Variants in NAV2 observed in about 807,000 individuals in gnomAD.
NAV2 encodes neuron navigator 2.
In NAV2, 54 loss-of-function variants were observed where a neutral mutation model predicts 223.2. That is an observed-to-expected ratio of 0.24 (90% CI 0.19 to 0.30). The LOEUF (loss-of-function observed/expected upper bound fraction) is 0.30. Among genes scored for constraint, NAV2 ranks in the 10% least tolerant of loss-of-function variants. The pLI is 1.00. For missense variants in NAV2, 2,806 were observed against 3,147.5 expected (o/e 0.89, Z 2.60); for synonymous variants, 1,279 against 1,239.3 (o/e 1.03, Z -0.67).
At chr11:19,410,556 CTG>C (rs1187346340) in intron 1 of NAV2, among the ~76,000 whole-genome samples, 1 of 152,168 alleles carries the variant, frequency 6.6e-6, no homozygotes, top group African/African-American at 2.4e-5. Flanking sequence ...GCTCTAGCAT[CTG>C]TACTCCTGGC....
chr11:20,062,464 C>A, intron 20 of NAV2, 105 bp downstream of exon 20: 1 of 844,900 alleles, frequency 1.2e-6, no homozygotes, highest in South Asian at 1.7e-5. Flanking sequence ...GAAAGCATTT[C>A]CATTATAAGG....
At chr11:19,983,840 T>G (rs2050513912) in intron 10 of NAV2, among the ~76,000 whole-genome samples, 1 of 152,224 alleles carries the variant, frequency 6.6e-6, no homozygotes, top group Non-Finnish European at 1.5e-5. Flanking sequence ...GACAGTTAAT[T>G]TTATTCCCTA....
intron 11 of NAV2, among the ~76,000 whole-genome samples, chr11:19,999,407 C>T (rs887566348): frequency 1.3e-5 from 2 of 152,190 alleles, no homozygotes; most frequent in African/African-American, 2.4e-5. Context: ...TTGCTCTTGT[C>T]ACCCAGGCTG....
intron 11 of NAV2, among the ~76,000 whole-genome samples, chr11:20,001,224 A>G (rs1324131776): frequency 6.6e-6 from 1 of 152,090 alleles, no homozygotes; most frequent in Non-Finnish European, 1.5e-5. Flanking sequence ...CTCTTCCTGG[A>G]TTCAGCTCCA....
chr11:19,808,788 C>G (rs2058710088), intron 1 of NAV2, among the ~76,000 whole-genome samples: 1 of 151,990 alleles, frequency 6.6e-6, no homozygotes, highest in Non-Finnish European at 1.5e-5. Context: ...AGAAATAAAT[C>G]TTCACTTCAT....
intron 1 of NAV2, among the ~76,000 whole-genome samples, chr11:19,773,183 G>T (rs2055860327): frequency 6.6e-6 from 1 of 152,234 alleles, no homozygotes; most frequent in African/African-American, 2.4e-5. Context: ...GGCTGCCATA[G>T]CTGGGCAGGT....
At chr11:19,502,197 A>G (rs2042983697) in intron 1 of NAV2, among the ~76,000 whole-genome samples, 2 of 152,186 alleles carry the variant, frequency 1.3e-5, no homozygotes, top group African/African-American at 2.4e-5. Flanking sequence ...TCTCAGGAAC[A>G]AAAATATCTG....
In NAV2 at chr11:20,095,724, C is replaced by G; in HGVS notation, c.5969C>G (p.Thr1990Arg). 1 of 1,614,046 alleles carries G rather than the reference C, an allele frequency of 6.2e-7. No individual in the cohort carries two copies. Among genetic ancestry groups the G allele is most frequent in the Non-Finnish European group, 8.5e-7 (1 of 1,179,966 alleles). The change falls in exon 30 of 38, where the codon ACG becomes AGG. Residue 1990 changes from threonine to arginine, a missense_variant. Physicochemically the swap from Thr to Arg is moderately conservative, Grantham distance 71. Transcript: ENST00000349880. ...LIGCIGVSGK[T>R]KWDVLDGVVR... ...GGCTGCATTGGAGTTAGTGGCAAGA[C>G]GAAGTGGGATGTGCTCGATGGGGTG...
At chr11:19,649,571 G>T (rs972743666) in intron 1 of NAV2, among the ~76,000 whole-genome samples, 1 of 152,134 alleles carries the variant, frequency 6.6e-6, no homozygotes, top group African/African-American at 2.4e-5. Context: ...GAGTGGAGGG[G>T]TCTCTCTGGG....
intron 1 of NAV2, among the ~76,000 whole-genome samples, chr11:19,386,555 G>A (rs1037276292): frequency 3.5e-4 from 54 of 152,266 alleles, no homozygotes; most frequent in African/African-American, 1.2e-3. Context: ...ACAGTGGGGA[G>A]CCTATATTAT....
At position 20,093,211 on chromosome 11, in the gene NAV2, C is replaced by T; in HGVS notation, c.5916+12C>T. The T allele has an allele frequency of 1.9e-6, 3 of 1,579,346 alleles. No individual in the cohort carries two copies. Among genetic ancestry groups the T allele is most frequent in the Non-Finnish European group, 2.6e-6 (3 of 1,148,464 alleles). Reference sequence around the variant, plus strand: ...TGAAGTGGAAGGAGGTTAGTTGGATCCCTTTCCCTGCTTTGCCTGTCCCTC... The same window carrying T: ...TGAAGTGGAAGGAGGTTAGTTGGATTCCTTTCCCTGCTTTGCCTGTCCCTC... On this transcript the variant is annotated intron_variant, in intron 29 of 37. Coordinates refer to ENST00000349880, the MANE Select transcript of NAV2 (RefSeq NM_145117.5).
intron 1 of NAV2, among the ~76,000 whole-genome samples, chr11:19,537,249 C>T (rs1035371637): frequency 2.0e-5 from 3 of 151,542 alleles, no homozygotes; most frequent in African/African-American, 7.3e-5. Flanking sequence ...CTATCCAGCT[C>T]TAGGTCAATA....
chr11:19,685,730 T>A (rs2049004450), intron 1 of NAV2, among the ~76,000 whole-genome samples: 2 of 152,118 alleles, frequency 1.3e-5, no homozygotes, highest in Non-Finnish European at 2.9e-5. Flanking sequence ...ATGAGTGATA[T>A]TGGGTAAACC....
chr11:20,080,020 G>A (rs1337626935), intron 24 of NAV2, 44 bp from the exon 25 acceptor site: 3 of 1,606,084 alleles, frequency 1.9e-6, no homozygotes, highest in Admixed American at 1.7e-5. Flanking sequence ...TAAAGAATAG[G>A]GCTCAGGTTG....
intron 1 of NAV2, among the ~76,000 whole-genome samples, chr11:19,583,277 G>T (rs909106296): frequency 5.3e-5 from 8 of 152,136 alleles, no homozygotes; most frequent in Admixed American, 3.3e-4. Flanking sequence ...GAGATTTTGG[G>T]CTGAGACGAT....
intron 34 of NAV2, 47 bp from the exon 35 acceptor site, chr11:20,105,484 T>C: frequency 6.5e-7 from 1 of 1,533,854 alleles, no homozygotes; most frequent in African/African-American, 1.4e-5. Context: ...TCAGCCATCA[T>C]TTGGATCACC....
chr11:19,600,071 A>G (rs1357815260), intron 1 of NAV2, among the ~76,000 whole-genome samples: 1 of 152,212 alleles, frequency 6.6e-6, no homozygotes, highest in Non-Finnish European at 1.5e-5. Flanking sequence ...GAGAAAGCCA[A>G]TAAAAGGTGT....
chr11:19,909,646 G>C (rs888198357), intron 6 of NAV2, among the ~76,000 whole-genome samples: 4 of 152,146 alleles, frequency 2.6e-5, no homozygotes, highest in Non-Finnish European at 4.4e-5. Context: ...TGGTCCAGGG[G>C]TCCTGTGGAA....
chr11:19,878,777 T>G (rs1272922824), intron 4 of NAV2, among the ~76,000 whole-genome samples: 1 of 152,202 alleles, frequency 6.6e-6, no homozygotes, highest in Non-Finnish European at 1.5e-5. Flanking sequence ...AAGGACTCCA[T>G]TCATACTTTC....
Sources: gnomAD v4.1 joint callset for allele counts (sites outside exome capture counted in the v4.1 genomes callset) on GRCh38, gnomAD v4.1.1 for gene constraint, MANE v1.5 for transcripts, NCBI Gene and HGNC (gene_info 2026-07-23, HGNC 2026-07-21) for gene names.